The following RNF144B variants were observed in gnomAD, a reference collection of about 807,000 sequenced individuals.
The protein encoded by RNF144B is ring finger protein 144B.
A neutral mutation model predicts 40.2 loss-of-function variants in RNF144B; 25 were observed. The ratio of observed to expected loss-of-function variants is 0.62; its 90% CI spans 0.45 to 0.87. RNF144B has a LOEUF of 0.87. RNF144B is among the 40% of genes least tolerant of loss of function. RNF144B has a pLI of 0.00. For synonymous variants in RNF144B, 145 were observed against 136.3 expected (o/e 1.06, Z -0.44); for missense variants, 365 against 373.7 (o/e 0.98, Z 0.19).
rs1275857370 is a variant in RNF144B at position 18,446,152 on chromosome 6, G to A, written c.331+6408G>A. On this transcript the variant is annotated intron_variant, in intron 4 of 7. Coordinates refer to ENST00000259939, the MANE Select transcript of RNF144B (RefSeq NM_182757.4). This position sits in a 1 kb window ranked among gnomAD's most constrained non-coding sequence, Gnocchi z 4.7. Reference sequence around the variant, plus strand: ...GATGCCAGGGCTGCTGATGTCTGATGACTCTCTGCATTTTTTCTATTTCTA... The same window carrying A: ...GATGCCAGGGCTGCTGATGTCTGATAACTCTCTGCATTTTTTCTATTTCTA... Among the ~76,000 whole-genome samples the A allele has an allele frequency of 6.6e-6, 1 of 152,200 alleles. No individual in the cohort carries two copies. Among genetic ancestry groups the A allele is most frequent in the Non-Finnish European group, 1.5e-5 (1 of 68,034 alleles).
chr6:18,427,569 C>T lies in RNF144B; in HGVS notation c.166-12C>T, dbSNP rs771616721. The T allele has an allele frequency of 1.8e-5, 29 of 1,595,810 alleles. No homozygotes were observed. In the African/African-American group the frequency reaches 2.8e-4, roughly 16 times the overall value. Reference sequence around the variant, plus strand: ...TGGAATGGGCAATTGTCTTTTTTTTCTTAACTTCCAGTGCCTGAAACAGTA... The same window carrying T: ...TGGAATGGGCAATTGTCTTTTTTTTTTTAACTTCCAGTGCCTGAAACAGTA... On this transcript the variant is annotated splice_polypyrimidine_tract_variant and intron_variant, in intron 2 of 7. Coordinates refer to ENST00000259939, the MANE Select transcript of RNF144B (RefSeq NM_182757.4).
chr6:18,388,139 T>C (rs116444226), intron 1 of RNF144B, among the ~76,000 whole-genome samples: 2,431 of 152,294 alleles, frequency 0.016, 72 homozygotes, highest in African/African-American at 0.053. Flanking sequence ...TCAAGGATCC[T>C]GCTGTAAGTC....
rs1758588092 is a variant in RNF144B, at chr6:18,427,594, A to G, written c.179A>G (p.Tyr60Cys). The G allele has an allele frequency of 1.2e-6, 2 of 1,613,232 alleles. No homozygotes were observed. Among genetic ancestry groups the G allele is most frequent in the Non-Finnish European group, 8.5e-7 (1 of 1,179,332 alleles). The change falls in exon 3 of 8, where the codon TAC (tyrosine) becomes TGC (cysteine). Residue 60 changes from tyrosine to cysteine, a missense_variant. Tyr to Cys is a radical substitution (Grantham distance 194). Coordinates refer to ENST00000259939, the MANE Select transcript of RNF144B (RefSeq NM_182757.4). ...CIFCTACLKQYMQLAIREGCG... is the reference protein window; with the variant it reads ...CIFCTACLKQCMQLAIREGCG... ...CTTAACTTCCAGTGCCTGAAACAGT[A>G]CATGCAGCTGGCAATCCGAGAAGGA...
intron 1 of RNF144B, among the ~76,000 whole-genome samples, chr6:18,394,221 C>T (rs1436417642): frequency 6.6e-6 from 1 of 152,104 alleles, no homozygotes; most frequent in Non-Finnish European, 1.5e-5. Context: ...AAACATTATC[C>T]CTTCCAATTA....
chr6:18,424,471 T>C (rs531745097), intron 2 of RNF144B, among the ~76,000 whole-genome samples: 1 of 152,314 alleles, frequency 6.6e-6, no homozygotes, highest in East Asian at 1.9e-4. Flanking sequence ...GTATGTGTAC[T>C]TAAACCCTGG....
rs1794733032 is a variant in RNF144B, at chr6:18,398,423, G to A, written c.-36-1076G>A. Among the ~76,000 whole-genome samples, 1 of 152,152 alleles carries A rather than the reference G, an allele frequency of 6.6e-6. No individual in the cohort carries two copies. Among genetic ancestry groups the A allele is most frequent in the Non-Finnish European group, 1.5e-5 (1 of 68,038 alleles). On this transcript the variant is annotated intron_variant, in intron 1 of 7. Transcript: ENST00000259939. The surrounding 1 kb of genome is among the most constrained non-coding windows in gnomAD (Gnocchi z 5.0). ...GTTTCATTCTGTCACCCAGGCTGGA[G>A]TGTGGTGACGCAATCTTGACTCACT... is the stretch of plus-strand genomic sequence containing the variant.
rs1202022219 is a variant in RNF144B, at chr6:18,457,659, C to T, written c.536+300C>T. On this transcript the variant is annotated intron_variant, in intron 5 of 7. Coordinates refer to ENST00000259939, the MANE Select transcript of RNF144B (RefSeq NM_182757.4). This position sits in a 1 kb window ranked among gnomAD's most constrained non-coding sequence, Gnocchi z 5.1. Reference sequence around the variant, plus strand: ...CTCAGTAGGAAATCATGACTTGTTCCCGCTCTTTGCTCAGATACAGTATCT... The same window carrying T: ...CTCAGTAGGAAATCATGACTTGTTCTCGCTCTTTGCTCAGATACAGTATCT... Among the ~76,000 whole-genome samples, 1 of 152,126 alleles carries T rather than the reference C, an allele frequency of 6.6e-6. No individual in the cohort carries two copies. Among genetic ancestry groups the T allele is most frequent in the African/African-American group, 2.4e-5 (1 of 41,422 alleles).
At chr6:18,411,481 ATATATATATATATATATTTTTTTT>A (rs1362889409) in intron 2 of RNF144B, among the ~76,000 whole-genome samples, 34 of 27,884 alleles carry the variant, frequency 1.2e-3, no homozygotes, top group African/African-American at 3.6e-3. Flanking sequence ...ATATATATAT[ATATATATATATATATATTTTTTTT>A]TTTTTTTTTT....
rs1476603859 is a variant in RNF144B, at chr6:18,399,627, ACT to A, written c.96_97del (p.Cys33ProfsTer3). ...CTCCGGCCCCCCTCATCACTTGCAA[ACT>A]CTGCCTGTGTGAGCAGTCTCTGGAC... ...LAPAPLITCK[L>X]CLCEQSLDKM... On this transcript the variant is annotated frameshift_variant, in exon 2 of 8. Coordinates refer to ENST00000259939, the MANE Select transcript of RNF144B (RefSeq NM_182757.4). LOFTEE classifies it high-confidence loss of function. The A allele has an allele frequency of 1.2e-6, 2 of 1,613,812 alleles. No homozygotes were observed. Among genetic ancestry groups the A allele is most frequent in the East Asian group, 2.2e-5 (1 of 44,844 alleles).
intron 1 of RNF144B, among the ~76,000 whole-genome samples, chr6:18,391,370 G>A (rs1050088362): frequency 1.3e-5 from 2 of 152,178 alleles, no homozygotes; most frequent in African/African-American, 4.8e-5. Context: ...AGTGGGCAAG[G>A]CACAGTGGTG....
chr6:18,438,645 T>C (rs6927687), intron 3 of RNF144B, among the ~76,000 whole-genome samples: 29,656 of 152,102 alleles, frequency 0.19, 3,453 homozygotes, highest in East Asian at 0.44. Context: ...ATTTGTTAAA[T>C]ACAATTTTAG....
Position 18,395,903 on chromosome 6 carries a change from A to C in RNF144B, c.-36-3596A>C, listed in dbSNP as rs924329176. On this transcript the variant is annotated intron_variant, in intron 1 of 7. Transcript: ENST00000259939. This position sits in a 1 kb window ranked among gnomAD's most constrained non-coding sequence, Gnocchi z 4.5. ...CTTTAGGGAATTGGTGTTATTGTAC[A>C]CAGAAAAATAAATCACTTTTTGAAG... Among the ~76,000 whole-genome samples the C allele has an allele frequency of 6.6e-6, 1 of 152,218 alleles. No homozygotes were observed. The highest frequency in any genetic ancestry group is 2.4e-5 in the African/African-American group (1 of 41,458).
At chr6:18,433,738 A>T (rs1473158748) in intron 3 of RNF144B, among the ~76,000 whole-genome samples, 1 of 152,270 alleles carries the variant, frequency 6.6e-6, no homozygotes, top group African/African-American at 2.4e-5. Flanking sequence ...TGATGCCCAC[A>T]TATGGTTTCC....
chr6:18,394,799 A>G (rs577883546), intron 1 of RNF144B, among the ~76,000 whole-genome samples: 3 of 152,206 alleles, frequency 2.0e-5, no homozygotes, highest in Non-Finnish European at 4.4e-5. Context: ...TTCCTATCAG[A>G]TAGTACTTGC....
At position 18,425,235 on chromosome 6, in the gene RNF144B, T is replaced by C. The variant is rs1479015622; in HGVS notation, c.166-2346T>C. The stretch of plus-strand genomic sequence containing the variant: ...CTGAAGTTCTTTGCATTGTTCACTT[T>C]GTTTTCCTCAAACACCTTCCCCTTG... On this transcript the variant is annotated intron_variant, in intron 2 of 7. Transcript: ENST00000259939. The surrounding 1 kb of genome is among the most constrained non-coding windows in gnomAD (Gnocchi z 4.2). 6.6e-6 allele frequency among the ~76,000 whole-genome samples: 1 copy of C among 152,218 alleles called. No individual in the cohort carries two copies. Among genetic ancestry groups the C allele is most frequent in the Non-Finnish European group, 1.5e-5 (1 of 68,042 alleles).
chr6:18,429,863 G>C (rs942340191), intron 3 of RNF144B, among the ~76,000 whole-genome samples: 1 of 152,118 alleles, frequency 6.6e-6, no homozygotes, highest in African/African-American at 2.4e-5. Flanking sequence ...GGCTGGGCTG[G>C]AGAGGAGAAT....
Position 18,457,625 on chromosome 6 carries a change from C to T in RNF144B, c.536+266C>T, listed in dbSNP as rs1759359992. ...TCTTTAGGTAGTGAGGCACCGTGGT[C>T]TACTGGTTCTCAGTAGGAAATCATG... On this transcript the variant is annotated intron_variant, in intron 5 of 7. Transcript: ENST00000259939. The surrounding 1 kb of genome is among the most constrained non-coding windows in gnomAD (Gnocchi z 5.1). 6.6e-6 allele frequency among the ~76,000 whole-genome samples: 1 copy of T among 152,156 alleles called. No individual in the cohort carries two copies. Among genetic ancestry groups the T allele is most frequent in the Non-Finnish European group, 1.5e-5 (1 of 68,030 alleles).
chr6:18,465,274 C>T lies in RNF144B; in HGVS notation c.*207C>T, dbSNP rs182567381. The stretch of plus-strand genomic sequence containing the variant: ...CCTGTGTAACAAGAACTGGGCTCAA[C>T]GGTCCAGCTGTTTCTATGGAGCTTT... On this transcript the variant is annotated 3_prime_UTR_variant, in exon 8 of 8. Coordinates refer to ENST00000259939, the MANE Select transcript of RNF144B (RefSeq NM_182757.4). 2.1e-5 allele frequency: 12 copies of T among 582,450 alleles called. No individual in the cohort carries two copies. The highest frequency in any genetic ancestry group is 9.1e-5 in the Admixed American group (3 of 32,822). The allele number at this position is 582,450 out of a possible 1,614,324, so 36.1% of individuals were successfully genotyped here. A position where few individuals can be genotyped will look rare whatever the true frequency, so the allele number is the denominator to read the frequency against.
At chr6:18,421,108 C>G (rs553765456) in intron 2 of RNF144B, among the ~76,000 whole-genome samples, 1 of 151,718 alleles carries the variant, frequency 6.6e-6, no homozygotes, top group Non-Finnish European at 1.5e-5. Context: ...TACAAAATAG[C>G]CTGGCATGGT....
Sources: gnomAD v4.1 joint callset for allele counts (sites outside exome capture counted in the v4.1 genomes callset) on GRCh38, gnomAD v4.1.1 for gene constraint, Gnocchi (gnomAD v3.1) non-coding constraint, MANE v1.5 for transcripts, NCBI Gene and HGNC (gene_info 2026-07-23, HGNC 2026-07-21) for gene names.